ENOX1: variants seen among roughly 807,000 people sequenced by gnomAD.
ENOX1 encodes the protein candidate growth-related and time keeping constitutive hydroquinone (NADH) oxidase.
ENOX1 carries 42 observed loss-of-function variants against 82.5 expected under a neutral mutation model. The ratio of observed to expected loss-of-function variants is 0.51; its 90% CI spans 0.40 to 0.66. The LOEUF is 0.66. ENOX1 is among the 30% of genes least tolerant of loss of function. The pLI, the probability that ENOX1 is intolerant of heterozygous loss-of-function variation, is 0.00. For synonymous variants in ENOX1, 271 were observed against 282.2 expected (o/e 0.96, Z 0.40); for missense variants, 608 against 811.6 (o/e 0.75, Z 3.05).
intron 1 of ENOX1, among the ~76,000 whole-genome samples, chr13:43,709,518 T>C (rs567386537): frequency 9.3e-5 from 14 of 150,338 alleles, no homozygotes; most frequent in South Asian, 8.4e-4. Context: ...AAGTAACAAA[T>C]TGAAACACAA....
chr13:43,390,953 G>A (rs1034228754), intron 5 of ENOX1, among the ~76,000 whole-genome samples: 17 of 151,998 alleles, frequency 1.1e-4, no homozygotes, highest in African/African-American at 3.6e-4. Flanking sequence ...TGGCTACTAC[G>A]AATCCCTTTT....
At chr13:43,321,022 G>A in intron 11 of ENOX1, 1 of 456,198 alleles carries the variant, frequency 2.2e-6, no homozygotes, top group South Asian at 1.5e-5. Flanking sequence ...TGACACATAA[G>A]TGCTGGGTTC....
chr13:43,456,210 T>C (rs749985648), intron 3 of ENOX1, among the ~76,000 whole-genome samples: 4 of 152,094 alleles, frequency 2.6e-5, no homozygotes, highest in African/African-American at 9.7e-5. Flanking sequence ...AATATCTATA[T>C]CTTCTCTGAG....
At chr13:43,628,742 T>A (rs558525908) in intron 2 of ENOX1, among the ~76,000 whole-genome samples, 27 of 152,370 alleles carry the variant, frequency 1.8e-4, no homozygotes, top group African/African-American at 6.3e-4. Flanking sequence ...CTGTTTTCAC[T>A]GGCTTTTCCT....
intron 1 of ENOX1, among the ~76,000 whole-genome samples, chr13:43,764,071 T>C (rs1316141128): frequency 1.3e-5 from 2 of 152,190 alleles, no homozygotes; most frequent in African/African-American, 4.8e-5. Flanking sequence ...AAAACACCTA[T>C]TTAAAACCTG....
At chr13:43,557,352 G>A (rs559590584) in intron 2 of ENOX1, among the ~76,000 whole-genome samples, 188 of 152,288 alleles carry the variant, frequency 1.2e-3, no homozygotes, top group African/African-American at 4.4e-3. Flanking sequence ...TATAGAAAAG[G>A]GGTTTCAGAA....
At chr13:43,358,438 A>G (rs1218654635) in intron 7 of ENOX1, among the ~76,000 whole-genome samples, 1 of 120,110 alleles carries the variant, frequency 8.3e-6, no homozygotes, top group Admixed American at 1.0e-4. Context: ...TCTGCAGGAT[A>G]TACATGGGGC....
At chr13:43,712,402 T>C (rs896650487) in intron 1 of ENOX1, among the ~76,000 whole-genome samples, 8 of 151,906 alleles carry the variant, frequency 5.3e-5, no homozygotes, top group Non-Finnish European at 7.4e-5. Flanking sequence ...CTTGGCGATG[T>C]GGGCTCTTTT....
intron 15 of ENOX1, among the ~76,000 whole-genome samples, chr13:43,229,452 C>A (rs2042177292): frequency 6.6e-6 from 1 of 152,118 alleles, no homozygotes; most frequent in Non-Finnish European, 1.5e-5. Context: ...GCTGGCAGAA[C>A]ACACTGGGCT....
Position 43,653,382 on chromosome 13 carries a change from A to G in ENOX1, c.-219+14097T>C, listed in dbSNP as rs541948783. ...GCAGAGATCTACCTTCCTGGTTGAG[A>G]GTGTACTACATATTTTCCTTTGGAA... On this transcript the variant is annotated intron_variant, in intron 2 of 16. Transcript: ENST00000690772. Among the ~76,000 whole-genome samples the G allele has an allele frequency of 2.6e-5, 4 of 152,356 alleles. No homozygotes were observed. In the South Asian group the frequency reaches 8.3e-4, roughly 32 times the overall value.
At chr13:43,582,017 C>T (rs1158070028) in intron 2 of ENOX1, among the ~76,000 whole-genome samples, 1 of 152,088 alleles carries the variant, frequency 6.6e-6, no homozygotes, top group Non-Finnish European at 1.5e-5. Context: ...TTTCCAATAT[C>T]TACAAAACAG....
At chr13:43,606,413 A>C (rs1215522601) in intron 2 of ENOX1, among the ~76,000 whole-genome samples, 1 of 151,780 alleles carries the variant, frequency 6.6e-6, no homozygotes, top group East Asian at 1.9e-4. Flanking sequence ...CCCTCAACAG[A>C]CAAATGGATA....
rs533115964 is a variant in ENOX1, at chr13:43,611,454, A to G, written c.-219+56025T>C. Among the ~76,000 whole-genome samples the G allele has an allele frequency of 2.0e-5, 3 of 152,348 alleles. No homozygotes were observed. The South Asian group carries it at 6.2e-4, about 32-fold the overall frequency. On this transcript the variant is annotated intron_variant, in intron 2 of 16. Transcript: ENST00000690772. Reference sequence around the variant, plus strand: ...CGTCATTTTGGATTTATGTATAATGACAGAAATCAAGTCACGACCCATGTA... The same window carrying G: ...CGTCATTTTGGATTTATGTATAATGGCAGAAATCAAGTCACGACCCATGTA...
At chr13:43,471,333 C>A (rs757662382) in intron 3 of ENOX1, among the ~76,000 whole-genome samples, 4 of 151,988 alleles carry the variant, frequency 2.6e-5, no homozygotes, top group Admixed American at 6.5e-5. Flanking sequence ...AATATAGATT[C>A]GGGTGCAACA....
At chr13:43,258,219 C>T (rs1361182800) in intron 14 of ENOX1, among the ~76,000 whole-genome samples, 2 of 152,192 alleles carry the variant, frequency 1.3e-5, no homozygotes, top group African/African-American at 4.8e-5. Context: ...CCTCTCTAAT[C>T]CTTCCTTGGA....
chr13:43,595,216 G>A (rs79719200), intron 2 of ENOX1, among the ~76,000 whole-genome samples: 7,269 of 151,294 alleles, frequency 0.048, 584 homozygotes, highest in African/African-American at 0.17. Context: ...CCCAAATGAG[G>A]TATAGATATT....
intron 5 of ENOX1, among the ~76,000 whole-genome samples, chr13:43,363,656 C>T (rs1401599972): frequency 6.6e-6 from 1 of 152,118 alleles, no homozygotes; most frequent in African/African-American, 2.4e-5. Flanking sequence ...TATTATTTGC[C>T]AACACAGGAT....
chr13:43,401,296 C>T (rs2053482044), intron 5 of ENOX1, among the ~76,000 whole-genome samples: 1 of 152,124 alleles, frequency 6.6e-6, no homozygotes, highest in African/African-American at 2.4e-5. Flanking sequence ...CTACTTTAAA[C>T]AACTCAAAAA....
chr13:43,302,008 CTAAAT>C (rs1480963221), intron 11 of ENOX1, among the ~76,000 whole-genome samples: 1 of 151,546 alleles, frequency 6.6e-6, no homozygotes, highest in African/African-American at 2.4e-5. Flanking sequence ...GAATACTGTA[CTAAAT>C]TAAAGAGTTT....
Sources: allele counts gnomAD v4.1 joint callset (sites outside exome capture counted in the v4.1 genomes callset), GRCh38; gene constraint gnomAD v4.1.1; transcripts MANE v1.5; gene names NCBI Gene and HGNC (gene_info 2026-07-23, HGNC 2026-07-21).